SCD5: variants seen among roughly 807,000 people sequenced by gnomAD.
SCD5 encodes acyl-CoA-desaturase 4.
Under a neutral mutation model 30.4 loss-of-function variants are expected in SCD5, and 20 were observed. That is an observed-to-expected ratio of 0.66 (90% CI 0.46 to 0.96). The LOEUF (loss-of-function observed/expected upper bound fraction) is 0.96, where lower values mean the gene tolerates loss of function less well. SCD5 is among the 40% of genes least tolerant of loss of function. SCD5 has a pLI of 0.00. For missense variants in SCD5, 381 were observed against 443.3 expected, an observed-to-expected ratio of 0.86 and a Z score of 1.26; for synonymous variants, 173 against 176.4, an observed-to-expected ratio of 0.98 and a Z score of 0.16.
At chr4:82,677,363 T>A (rs148446961) in intron 3 of SCD5, among the ~76,000 whole-genome samples, 3 of 152,326 alleles carry the variant, frequency 2.0e-5, no homozygotes, top group African/African-American at 7.2e-5. Flanking sequence ...CAAATGCAGC[T>A]GGGCACCTTC....
chr4:82,784,986 A>G (rs983101436), intron 1 of SCD5, among the ~76,000 whole-genome samples: 9 of 152,204 alleles, frequency 5.9e-5, no homozygotes, highest in Admixed American at 1.3e-4. Context: ...AGTGGAGCAC[A>G]CTAATGGAAG....
At chr4:82,690,436 C>G (rs1019264829) in intron 2 of SCD5, among the ~76,000 whole-genome samples, 1 of 152,130 alleles carries the variant, frequency 6.6e-6, no homozygotes, top group African/African-American at 2.4e-5. Flanking sequence ...AAAGTGAAAG[C>G]TAAAAACAAA....
intron 1 of SCD5, among the ~76,000 whole-genome samples, chr4:82,719,712 C>A (rs964427421): frequency 5.3e-5 from 8 of 151,366 alleles, no homozygotes; most frequent in African/African-American, 2.0e-4. Flanking sequence ...ACCATGTTGG[C>A]CAGGATGGTC....
intron 1 of SCD5, among the ~76,000 whole-genome samples, chr4:82,732,033 T>G (rs1044480188): frequency 6.6e-6 from 1 of 152,196 alleles, no homozygotes; most frequent in Non-Finnish European, 1.5e-5. Context: ...TTTCCTCCAT[T>G]ACCTCCATCT....
At chr4:82,699,093 G>T (rs1398537328) in intron 2 of SCD5, among the ~76,000 whole-genome samples, 1 of 152,138 alleles carries the variant, frequency 6.6e-6, no homozygotes, top group African/African-American at 2.4e-5. Context: ...ACTGGTATGA[G>T]AATCTAATGA....
chr4:82,781,618 T>C (rs2148851466), intron 1 of SCD5, among the ~76,000 whole-genome samples: 1 of 152,194 alleles, frequency 6.6e-6, no homozygotes, highest in Non-Finnish European at 1.5e-5. Context: ...TGGGAGGTGT[T>C]TGGGTTACTG....
chr4:82,753,026 A>G (rs1721139036), intron 1 of SCD5, among the ~76,000 whole-genome samples: 1 of 152,200 alleles, frequency 6.6e-6, no homozygotes, highest in South Asian at 2.1e-4. Context: ...TTGGCTGTGC[A>G]GAGTGTGTTC....
In SCD5 at chr4:82,781,349, G is replaced by A. The variant is rs111650730; in HGVS notation, c.232+16957C>T. Among the ~76,000 whole-genome samples the A allele has an allele frequency of 6.4e-3, 966 of 152,010 alleles. 15 individuals are homozygous for A. Among genetic ancestry groups the A allele is most frequent in the South Asian group, 5.6e-3 (27 of 4,804 alleles). ...GAGAATAGCTTGAACCCGGGAGGCA[G>A]AGGTTGCAGTGAGCTGGGATCACGC... On this transcript the variant is annotated intron_variant, in intron 1 of 4. Coordinates refer to ENST00000319540, the MANE Select transcript of SCD5 (RefSeq NM_001037582.3).
At chr4:82,659,153 T>C (rs1303271634) in intron 3 of SCD5, among the ~76,000 whole-genome samples, 3 of 152,198 alleles carry the variant, frequency 2.0e-5, no homozygotes, top group Admixed American at 1.3e-4. Flanking sequence ...TGATGGTAGT[T>C]TGTATTTCTG....
chr4:82,754,477 G>A (rs1391453688), intron 1 of SCD5, among the ~76,000 whole-genome samples: 1 of 152,158 alleles, frequency 6.6e-6, no homozygotes, highest in Non-Finnish European at 1.5e-5. Flanking sequence ...GGTCTGGGTG[G>A]TCCTAAGAGG....
At chr4:82,752,564 A>C (rs1446618335) in intron 1 of SCD5, among the ~76,000 whole-genome samples, 1 of 152,178 alleles carries the variant, frequency 6.6e-6, no homozygotes, top group Non-Finnish European at 1.5e-5. Flanking sequence ...AGGAGATGGA[A>C]TCTTCCAGCC....
chr4:82,672,217 T>C (rs2148819403), intron 3 of SCD5, among the ~76,000 whole-genome samples: 1 of 151,774 alleles, frequency 6.6e-6, no homozygotes, highest in South Asian at 2.1e-4. Flanking sequence ...CAGAGAGAAA[T>C]GAAATTATGA....
intron 2 of SCD5, among the ~76,000 whole-genome samples, chr4:82,690,099 T>C (rs1728799280): frequency 1.3e-5 from 2 of 152,226 alleles, no homozygotes; most frequent in African/African-American, 4.8e-5. Context: ...CCCTGAACTA[T>C]TATAGAATCC....
chr4:82,771,412 AG>A (rs1425335554), intron 1 of SCD5, among the ~76,000 whole-genome samples: 2 of 152,152 alleles, frequency 1.3e-5, no homozygotes, highest in East Asian at 3.8e-4. Context: ...CTGCAAGACA[AG>A]GGGGTATTTC....
intron 1 of SCD5, among the ~76,000 whole-genome samples, chr4:82,714,114 ATACT>A (rs1560541474): frequency 6.6e-6 from 1 of 152,240 alleles, no homozygotes; most frequent in East Asian, 1.9e-4. Flanking sequence ...ACCGCCCCAC[ATACT>A]TACATTATTC....
At chr4:82,658,807 G>T (rs1302740523) in intron 3 of SCD5, among the ~76,000 whole-genome samples, 1 of 98,706 alleles carries the variant, frequency 1.0e-5, no homozygotes, top group Non-Finnish European at 2.0e-5. Context: ...TTTTTTTGTT[G>T]TGTCTCTGCC....
chr4:82,712,265 TATATATATATATATATATATATATATATA>T (rs1720113398), intron 1 of SCD5, among the ~76,000 whole-genome samples: 1 of 44,670 alleles, frequency 2.2e-5, no homozygotes, highest in African/African-American at 1.5e-4. Context: ...TATATATATA[TATATATATATATATATATATATATATATA>T]TATTTTATTT....
At chr4:82,648,992 T>C (rs1727688477) in intron 3 of SCD5, among the ~76,000 whole-genome samples, 1 of 152,190 alleles carries the variant, frequency 6.6e-6, no homozygotes. Flanking sequence ...ATATAGTGTC[T>C]AATAATGGTT....
chr4:82,734,359 C>A (rs1720703106), intron 1 of SCD5, among the ~76,000 whole-genome samples: 1 of 152,176 alleles, frequency 6.6e-6, no homozygotes, highest in African/African-American at 2.4e-5. Context: ...GATGAGCCAA[C>A]CAGACAGTTA....
Sources: allele counts gnomAD v4.1 joint callset (sites outside exome capture counted in the v4.1 genomes callset), GRCh38; gene constraint gnomAD v4.1.1; transcripts MANE v1.5; gene names NCBI Gene and HGNC (gene_info 2026-07-23, HGNC 2026-07-21).